The following CNTN5 variants were observed in gnomAD, a reference collection of about 807,000 sequenced individuals.
The protein encoded by CNTN5 is contactin-5.
Under a neutral mutation model 129.1 loss-of-function variants are expected in CNTN5, and 77 were observed. The observed-to-expected ratio is 0.60, with a 90% CI of 0.50 to 0.72. The LOEUF (loss-of-function observed/expected upper bound fraction) is 0.72. CNTN5 is among the 30% of genes least tolerant of loss of function. The pLI is 0.00. For synonymous variants in CNTN5, 509 were observed against 465.6 expected, an observed-to-expected ratio of 1.09 and a Z score of -1.20; for missense variants, 1,478 against 1,328.8, an observed-to-expected ratio of 1.11 and a Z score of -1.75.
At chr11:99,709,225 C>T (rs1954872670) in intron 3 of CNTN5, among the ~76,000 whole-genome samples, 1 of 151,850 alleles carries the variant, frequency 6.6e-6, no homozygotes, top group African/African-American at 2.4e-5. Context: ...TTGTTCTTAA[C>T]AAAATGTCTT....
intron 13 of CNTN5, among the ~76,000 whole-genome samples, chr11:100,130,690 C>T (rs558321923): frequency 6.6e-6 from 1 of 152,014 alleles, no homozygotes; most frequent in South Asian, 2.1e-4. Flanking sequence ...AGGAGGCATG[C>T]TATTCTCCTA....
At chr11:99,645,231 G>T (rs1392712955) in intron 3 of CNTN5, among the ~76,000 whole-genome samples, 1 of 116,736 alleles carries the variant, frequency 8.6e-6, no homozygotes, top group African/African-American at 3.4e-5. Flanking sequence ...CTGCACTCCA[G>T]CCTGGGCAAC....
At chr11:100,032,588 A>G (rs1941771752) in intron 9 of CNTN5, among the ~76,000 whole-genome samples, 1 of 152,064 alleles carries the variant, frequency 6.6e-6, no homozygotes, top group Admixed American at 6.5e-5. Context: ...AGAATTTTAT[A>G]CCAGTGCACC....
At chr11:99,024,798 A>G (rs937721959) in intron 1 of CNTN5, among the ~76,000 whole-genome samples, 8 of 108,304 alleles carry the variant, frequency 7.4e-5, no homozygotes, top group African/African-American at 2.6e-4. Context: ...TATGGAAATA[A>G]AAAAAAGAAT....
At chr11:99,613,819 A>G (rs910757443) in intron 3 of CNTN5, among the ~76,000 whole-genome samples, 1 of 152,200 alleles carries the variant, frequency 6.6e-6, no homozygotes, top group Non-Finnish European at 1.5e-5. Flanking sequence ...AAATAAAATG[A>G]AGGGTTATTT....
At chr11:99,332,290 T>A (rs1177574476) in intron 2 of CNTN5, among the ~76,000 whole-genome samples, 1 of 102,310 alleles carries the variant, frequency 9.8e-6, no homozygotes, top group Admixed American at 1.2e-4. Flanking sequence ...TCCTACTATT[T>A]CCACAATGTC....
chr11:99,487,767 A>G (rs1270462141), intron 2 of CNTN5, among the ~76,000 whole-genome samples: 1 of 152,186 alleles, frequency 6.6e-6, no homozygotes, highest in Admixed American at 6.5e-5. Flanking sequence ...AAATTTGCCT[A>G]TTGCTTCTCC....
intron 3 of CNTN5, among the ~76,000 whole-genome samples, chr11:99,793,630 T>C (rs1243974884): frequency 6.6e-6 from 1 of 152,192 alleles, no homozygotes; most frequent in Admixed American, 6.5e-5. Flanking sequence ...ATTTTGTTTT[T>C]CATTACTTTC....
At chr11:99,226,665 A>C (rs754487624) in intron 1 of CNTN5, among the ~76,000 whole-genome samples, 130 of 151,622 alleles carry the variant, frequency 8.6e-4, no homozygotes, top group Non-Finnish European at 1.6e-3. Context: ...CTACCTTGTG[A>C]CTGGTAGGAC....
At chr11:100,245,759 T>C (rs577597667) in intron 16 of CNTN5, among the ~76,000 whole-genome samples, 1 of 152,288 alleles carries the variant, frequency 6.6e-6, no homozygotes, top group South Asian at 2.1e-4. Flanking sequence ...TTAAAGCTCA[T>C]ATTCATATGC....
chr11:99,730,820 A>G (rs758442781), intron 3 of CNTN5, among the ~76,000 whole-genome samples: 2 of 152,162 alleles, frequency 1.3e-5, no homozygotes, highest in Non-Finnish European at 2.9e-5. Context: ...TAAGTTTTCT[A>G]TTTTGAGATA....
intron 1 of CNTN5, among the ~76,000 whole-genome samples, chr11:99,310,041 A>G (rs1865043758): frequency 6.6e-6 from 1 of 152,118 alleles, no homozygotes; most frequent in African/African-American, 2.4e-5. Flanking sequence ...ATATGAGGAC[A>G]CTTTTTACAG....
At chr11:99,256,711 C>G (rs1862392741) in intron 1 of CNTN5, among the ~76,000 whole-genome samples, 1 of 151,774 alleles carries the variant, frequency 6.6e-6, no homozygotes, top group Non-Finnish European at 1.5e-5. Flanking sequence ...ACTTAGGGTA[C>G]AGCATATAAA....
chr11:99,854,350 G>A (rs750164317), intron 6 of CNTN5, among the ~76,000 whole-genome samples: 3 of 152,108 alleles, frequency 2.0e-5, no homozygotes, highest in Admixed American at 6.5e-5. Flanking sequence ...TTTGCCCTAC[G>A]GGTATACAGA....
chr11:100,125,966 G>A (rs770872822), intron 13 of CNTN5, among the ~76,000 whole-genome samples: 24 of 151,814 alleles, frequency 1.6e-4, no homozygotes, highest in Admixed American at 3.9e-4. Flanking sequence ...TCTTAACATT[G>A]ATTTTTCTGC....
chr11:100,329,350 G>A (rs1179270723), intron 21 of CNTN5, among the ~76,000 whole-genome samples: 1 of 152,114 alleles, frequency 6.6e-6, no homozygotes, highest in Non-Finnish European at 1.5e-5. Context: ...TATCCACCCT[G>A]GTAGCCAAAG....
intron 1 of CNTN5, among the ~76,000 whole-genome samples, chr11:99,272,322 A>G (rs1327440149): frequency 6.6e-6 from 1 of 151,554 alleles, no homozygotes; most frequent in Admixed American, 6.6e-5. Flanking sequence ...ACTGCAAATC[A>G]TAATTCACTG....
intron 6 of CNTN5, among the ~76,000 whole-genome samples, chr11:99,846,150 A>ACACACG: frequency 6.6e-6 from 1 of 150,660 alleles, no homozygotes; most frequent in African/African-American, 2.4e-5. Flanking sequence ...ACACACACAC[A>ACACACG]CACACACACA....
intron 2 of CNTN5, among the ~76,000 whole-genome samples, chr11:99,334,456 T>C (rs2136035781): frequency 6.6e-6 from 1 of 152,274 alleles, no homozygotes; most frequent in East Asian, 1.9e-4. Flanking sequence ...CACAGGTGTA[T>C]TGAAATAATA....
Sources: gnomAD v4.1 joint callset for allele counts (sites outside exome capture counted in the v4.1 genomes callset) on GRCh38, gnomAD v4.1.1 for gene constraint, MANE v1.5 for transcripts, NCBI Gene and HGNC (gene_info 2026-07-23, HGNC 2026-07-21) for gene names.